GRIK4: variants seen among roughly 807,000 people sequenced by gnomAD.
The protein encoded by GRIK4 is glutamate ionotropic receptor kainate type subunit 4.
A neutral mutation model predicts 104.9 loss-of-function variants in GRIK4; 40 were observed. The observed-to-expected ratio is 0.38, with a 90% confidence interval of 0.30 to 0.50. GRIK4 has a LOEUF of 0.50. Among genes scored for constraint, GRIK4 ranks in the 20% least tolerant of loss-of-function variants. GRIK4 has a pLI of 0.93. For synonymous variants in GRIK4, 485 were observed against 524.9 expected (o/e 0.92, Z 1.04); for missense variants, 1,047 against 1,308.1 (o/e 0.80, Z 3.08).
intron 3 of GRIK4, among the ~76,000 whole-genome samples, chr11:120,802,008 T>C (rs7106024): frequency 0.13 from 19,695 of 152,188 alleles, 4,061 homozygotes; most frequent in African/African-American, 0.44. Context: ...CCACTGCAGT[T>C]GTCCACACTG....
chr11:120,664,951 G>T lies in GRIK4; in HGVS notation c.82+4551G>T, dbSNP rs561620865. 1.1e-4 allele frequency among the ~76,000 whole-genome samples: 17 copies of T among 151,636 alleles called. 1 individual carries two copies. In the South Asian group the frequency reaches 3.3e-3, roughly 30 times the overall value. On this transcript the variant is annotated intron_variant, in intron 3 of 20. Coordinates refer to ENST00000527524, the MANE Select transcript of GRIK4 (RefSeq NM_014619.5). ...TAAGGTTTCCCTGTGTGGTAAAGCA[G>T]CAAGAGCTTGGATTTATTTTATACT... is the stretch of plus-strand genomic sequence containing the variant.
chr11:120,743,947 A>C (rs1292955912), intron 3 of GRIK4, among the ~76,000 whole-genome samples: 1 of 152,218 alleles, frequency 6.6e-6, no homozygotes, highest in African/African-American at 2.4e-5. Context: ...CATTGTAACG[A>C]GTAGCACAGC....
rs75263621 is a variant in GRIK4, at chr11:120,701,472, GT to G, written c.82+41073del. Among the ~76,000 whole-genome samples, 1,113 of 152,308 alleles carry G rather than the reference GT, an allele frequency of 7.3e-3. 57 individuals carry two copies. The East Asian group carries it at 0.13, about 18-fold the overall frequency. On this transcript the variant is annotated intron_variant, in intron 3 of 20. Coordinates refer to ENST00000527524, the MANE Select transcript of GRIK4 (RefSeq NM_014619.5). ...GGCAGGATCTCCTTTTTAAGGGTGA[GT>G]AGTATGCCATTGTGTACACATACCA...
At chr11:120,812,089 G>T (rs1412672328) in intron 4 of GRIK4, among the ~76,000 whole-genome samples, 1 of 152,208 alleles carries the variant, frequency 6.6e-6, no homozygotes. Flanking sequence ...AGAAGGGCAG[G>T]TTATAAAGAG....
intron 3 of GRIK4, among the ~76,000 whole-genome samples, chr11:120,748,128 G>T (rs1057391373): frequency 7.2e-5 from 11 of 151,974 alleles, no homozygotes; most frequent in African/African-American, 2.7e-4. Flanking sequence ...CAAGACCTTG[G>T]CTGGGGAGTT....
chr11:120,979,468 T>G (rs1944615194), intron 19 of GRIK4, among the ~76,000 whole-genome samples: 8 of 152,126 alleles, frequency 5.3e-5, no homozygotes, highest in Admixed American at 5.2e-4. Context: ...TCCTTTTATG[T>G]GAGATGGCTC....
chr11:120,913,595 C>T (rs923399314), intron 13 of GRIK4, among the ~76,000 whole-genome samples: 8 of 151,734 alleles, frequency 5.3e-5, no homozygotes, highest in African/African-American at 1.5e-4. Flanking sequence ...TCCATGTTGG[C>T]GGAATGGCAC....
intron 13 of GRIK4, among the ~76,000 whole-genome samples, chr11:120,917,691 A>T (rs77248109): frequency 6.6e-6 from 1 of 152,262 alleles, no homozygotes; most frequent in East Asian, 1.9e-4. Context: ...GTTATTTTCC[A>T]TGGAAGGAGT....
intron 1 of GRIK4, among the ~76,000 whole-genome samples, chr11:120,558,109 C>A (rs1383047855): frequency 6.6e-6 from 1 of 150,910 alleles, no homozygotes; most frequent in Non-Finnish European, 1.5e-5. Flanking sequence ...TGTTTTGACA[C>A]TTACAAGCTG....
intron 1 of GRIK4, among the ~76,000 whole-genome samples, chr11:120,591,007 T>TA (rs1345884343): frequency 6.6e-6 from 1 of 152,074 alleles, no homozygotes; most frequent in African/African-American, 2.4e-5. Context: ...CAAGAGGTGT[T>TA]ATGTTTAGTG....
chr11:120,525,338 G>A (rs900998649), intron 1 of GRIK4, among the ~76,000 whole-genome samples: 12 of 152,154 alleles, frequency 7.9e-5, no homozygotes, highest in Non-Finnish European at 1.2e-4. Context: ...GGCCGCTAGT[G>A]CCTTTGGTAT....
chr11:120,658,190 C>T (rs1441695370), intron 2 of GRIK4, among the ~76,000 whole-genome samples: 1 of 151,420 alleles, frequency 6.6e-6, no homozygotes, highest in Non-Finnish European at 1.5e-5. Flanking sequence ...TTATGAGATT[C>T]ATCCTTGCTG....
At chr11:120,528,256 T>C (rs1334714752) in intron 1 of GRIK4, among the ~76,000 whole-genome samples, 2 of 151,908 alleles carry the variant, frequency 1.3e-5, no homozygotes, top group Non-Finnish European at 2.9e-5. Context: ...GGACTACAGG[T>C]GCCCGCCACC....
chr11:120,651,605 G>A (rs1949620238), intron 1 of GRIK4, among the ~76,000 whole-genome samples: 1 of 152,136 alleles, frequency 6.6e-6, no homozygotes, highest in African/African-American at 2.4e-5. Context: ...AGTTGGACCC[G>A]GGCTGGGTGG....
intron 8 of GRIK4, among the ~76,000 whole-genome samples, chr11:120,847,247 C>T (rs1052049831): frequency 1.3e-5 from 2 of 152,224 alleles, no homozygotes; most frequent in Admixed American, 6.5e-5. Flanking sequence ...CTCACTCACA[C>T]AGTTCACACA....
chr11:120,901,095 G>A (rs1269946126), intron 12 of GRIK4, among the ~76,000 whole-genome samples: 2 of 152,144 alleles, frequency 1.3e-5, no homozygotes, highest in Admixed American at 1.3e-4. Flanking sequence ...CTGCTGGCAG[G>A]CTCCCTTCTT....
chr11:120,932,744 G>T (rs1171504326), intron 13 of GRIK4, among the ~76,000 whole-genome samples: 1 of 152,154 alleles, frequency 6.6e-6, no homozygotes, highest in African/African-American at 2.4e-5. Flanking sequence ...TGAAGAATGG[G>T]AGGCACTCTG....
At chr11:120,957,591 A>ATTG (rs553062830) in intron 16 of GRIK4, among the ~76,000 whole-genome samples, 1 of 136,436 alleles carries the variant, frequency 7.3e-6, no homozygotes, top group Non-Finnish European at 1.6e-5. Flanking sequence ...GACAAAACAA[A>ATTG]TGTGTGTGTG....
Position 120,801,075 on chromosome 11 carries a change from C to T in GRIK4, c.83-1618C>T, listed in dbSNP as rs569803498. Reference sequence around the variant, plus strand: ...CATCACCCCCAAAAAGAACACCACACGCATTAGCAGACACTCCTCATTTCT... The same window carrying T: ...CATCACCCCCAAAAAGAACACCACATGCATTAGCAGACACTCCTCATTTCT... On this transcript the variant is annotated intron_variant, in intron 3 of 20. Coordinates refer to ENST00000527524, the MANE Select transcript of GRIK4 (RefSeq NM_014619.5). Among the ~76,000 whole-genome samples, 15 of 152,322 alleles carry T rather than the reference C, an allele frequency of 9.8e-5. 1 individual carries two copies. The highest frequency in any genetic ancestry group is 2.1e-4 in the South Asian group (1 of 4,826).
Sources: gnomAD v4.1 joint callset for allele counts (sites outside exome capture counted in the v4.1 genomes callset) on GRCh38, gnomAD v4.1.1 for gene constraint, MANE v1.5 for transcripts, NCBI Gene and HGNC (gene_info 2026-07-23, HGNC 2026-07-21) for gene names.